Variants in ROBO2 observed in about 807,000 individuals in gnomAD.
The protein encoded by ROBO2 is roundabout homolog 2.
In ROBO2, 53 loss-of-function variants were observed where a neutral mutation model predicts 160.8. The ratio of observed to expected loss-of-function variants is 0.33; its 90% CI spans 0.26 to 0.41. The LOEUF (loss-of-function observed/expected upper bound fraction) is 0.41, where lower values mean the gene tolerates loss of function less well. Ranked by LOEUF, ROBO2 falls within the 10% of genes least tolerant of loss-of-function variation. The probability of loss-of-function intolerance (pLI) is 1.00; values close to 1 mark genes in which losing one functional copy is unlikely to be tolerated. For missense variants in ROBO2, 1,577 were observed against 1,722.4 expected (o/e 0.92, Z 1.49); for synonymous variants, 664 against 611.7 (o/e 1.09, Z -1.26).
At chr3:77,481,430 G>C (rs1353954520) in intron 4 of ROBO2, among the ~76,000 whole-genome samples, 2 of 152,036 alleles carry the variant, frequency 1.3e-5, no homozygotes, top group African/African-American at 4.8e-5. Context: ...AACTTACATT[G>C]TTCATGTATT....
chr3:75,986,473 AT>A (rs535297966), intron 2 of ROBO2, among the ~76,000 whole-genome samples: 11 of 149,298 alleles, frequency 7.4e-5, no homozygotes, highest in Non-Finnish European at 1.3e-4. Flanking sequence ...TCATTTGCAA[AT>A]TTTTTTTTCA....
chr3:75,997,197 T>C (rs1279055552), intron 2 of ROBO2, among the ~76,000 whole-genome samples: 3 of 152,206 alleles, frequency 2.0e-5, no homozygotes, highest in Non-Finnish European at 4.4e-5. Context: ...TTTTAGCACA[T>C]ATGTTAATGT....
At chr3:76,942,003 A>T (rs2078219086) in intron 2 of ROBO2, among the ~76,000 whole-genome samples, 2 of 152,228 alleles carry the variant, frequency 1.3e-5, no homozygotes, top group Non-Finnish European at 2.9e-5. Context: ...TAAAAGAAAC[A>T]GTGTGACTTA....
chr3:77,253,424 T>A (rs933678983), intron 2 of ROBO2, among the ~76,000 whole-genome samples: 4 of 152,194 alleles, frequency 2.6e-5, no homozygotes, highest in Admixed American at 6.5e-5. Flanking sequence ...CTATGTGACA[T>A]AACCTGCAAA....
chr3:76,887,193 C>CCTTTTTTTTTTT lies in ROBO2; in HGVS notation c.110-210821_110-210820insCTTTTTTTTTTT, dbSNP rs1178064382. ...ATTGCCCTGCCTTTGCTTCAGGAAG[C>CCTTTTTTTTTTT]ATTTTTTTTTTTTTTTTTTTTTTTT... On this transcript the variant is annotated intron_variant, in intron 2 of 26. Coordinates refer to the ROBO2 transcript ENST00000487694. 2.8e-3 allele frequency among the ~76,000 whole-genome samples: 340 copies of CCTTTTTTTTTTT among 120,308 alleles called. 9 individuals carry two copies. The highest frequency in any genetic ancestry group is 6.7e-3 in the South Asian group (24 of 3,600). The allele number at this position is 120,308 out of a possible 152,430, so 78.9% of individuals were successfully genotyped here.
intron 2 of ROBO2, among the ~76,000 whole-genome samples, chr3:76,450,483 A>C (rs765124887): frequency 1.3e-5 from 2 of 152,106 alleles, no homozygotes; most frequent in Non-Finnish European, 2.9e-5. Context: ...ATTTTAACTT[A>C]TTCTATTATT....
chr3:76,672,245 A>G (rs1422801821), intron 2 of ROBO2, among the ~76,000 whole-genome samples: 1 of 152,076 alleles, frequency 6.6e-6, no homozygotes, highest in Non-Finnish European at 1.5e-5. Flanking sequence ...AATGAAGAGC[A>G]AGGACAAAGG....
chr3:76,442,111 T>C, intron 2 of ROBO2, among the ~76,000 whole-genome samples: 1 of 152,188 alleles, frequency 6.6e-6, no homozygotes, highest in South Asian at 2.1e-4. Context: ...GAGTAAGGGC[T>C]CTGGATAATC....
At chr3:76,150,844 A>G (rs1004385004) in intron 2 of ROBO2, among the ~76,000 whole-genome samples, 1 of 152,152 alleles carries the variant, frequency 6.6e-6, no homozygotes, top group African/African-American at 2.4e-5. Flanking sequence ...TGAAGTCCAA[A>G]AGGGTGGGGG....
intron 2 of ROBO2, among the ~76,000 whole-genome samples, chr3:76,046,352 C>CA (rs1442162974): frequency 1.3e-5 from 2 of 151,884 alleles, no homozygotes; most frequent in Admixed American, 6.6e-5. Flanking sequence ...GTGAGACCAT[C>CA]AAAAAATGCC....
chr3:76,726,333 G>T (rs974911437), intron 2 of ROBO2, among the ~76,000 whole-genome samples: 1 of 151,910 alleles, frequency 6.6e-6, no homozygotes, highest in Non-Finnish European at 1.5e-5. Flanking sequence ...TTAATTATTA[G>T]TAGTTCTAAA....
At chr3:76,491,376 C>T (rs1043632705) in intron 2 of ROBO2, among the ~76,000 whole-genome samples, 3 of 152,140 alleles carry the variant, frequency 2.0e-5, no homozygotes, top group African/African-American at 7.2e-5. Flanking sequence ...CATGCACATA[C>T]TATCACTCAT....
At chr3:76,461,777 T>C (rs557054988) in intron 2 of ROBO2, among the ~76,000 whole-genome samples, 1 of 152,340 alleles carries the variant, frequency 6.6e-6, no homozygotes, top group South Asian at 2.1e-4. Flanking sequence ...AAATTAATAT[T>C]GTTGCCCCAA....
At chr3:76,444,653 T>C (rs1233410528) in intron 2 of ROBO2, among the ~76,000 whole-genome samples, 1 of 152,174 alleles carries the variant, frequency 6.6e-6, no homozygotes, top group Non-Finnish European at 1.5e-5. Flanking sequence ...ACCACCTCCA[T>C]GATTCAATGA....
intron 2 of ROBO2, among the ~76,000 whole-genome samples, chr3:76,355,018 G>GTATGTT (rs769115209): frequency 2.0e-5 from 3 of 146,774 alleles, no homozygotes; most frequent in African/African-American, 8.0e-5. Flanking sequence ...GTGTGTATGT[G>GTATGTT]TATGTTTATG....
At chr3:76,261,856 C>T (rs1706789081) in intron 2 of ROBO2, among the ~76,000 whole-genome samples, 1 of 152,024 alleles carries the variant, frequency 6.6e-6, no homozygotes, top group African/African-American at 2.4e-5. Flanking sequence ...GAAAGACCAT[C>T]ATATAATTGG....
intron 2 of ROBO2, among the ~76,000 whole-genome samples, chr3:77,316,229 CA>C (rs1175483979): frequency 6.6e-6 from 1 of 152,134 alleles, no homozygotes; most frequent in Non-Finnish European, 1.5e-5. Flanking sequence ...CCCAAAATGG[CA>C]CGGAAGAAAC....
At chr3:76,039,852 C>T (rs1473789248) in intron 2 of ROBO2, among the ~76,000 whole-genome samples, 1 of 151,960 alleles carries the variant, frequency 6.6e-6, no homozygotes, top group Admixed American at 6.6e-5. Flanking sequence ...AAGCCTGGCT[C>T]AAATTAATCA....
At chr3:76,353,535 T>G (rs1425482470) in intron 2 of ROBO2, among the ~76,000 whole-genome samples, 1 of 151,952 alleles carries the variant, frequency 6.6e-6, no homozygotes. Flanking sequence ...CTAACATTTC[T>G]CATACTCATT....
Sources: gnomAD v4.1 joint callset for allele counts (sites outside exome capture counted in the v4.1 genomes callset) on GRCh38, gnomAD v4.1.1 for gene constraint, MANE v1.5 for transcripts, NCBI Gene and HGNC (gene_info 2026-07-23, HGNC 2026-07-21) for gene names.